LRP1B: variants seen among roughly 807,000 people sequenced by gnomAD.
LRP1B encodes the protein LDL receptor related protein 1B, also known as low-density lipoprotein receptor-related protein 1B.
LRP1B carries 217 observed loss-of-function variants against 556.6 expected under a neutral mutation model. The ratio of observed to expected loss-of-function variants is 0.39; its 90% confidence interval spans 0.35 to 0.44. The LOEUF (loss-of-function observed/expected upper bound fraction) is 0.44. Among genes scored for constraint, LRP1B ranks in the 20% least tolerant of loss-of-function variants. The pLI, the probability that LRP1B is intolerant of heterozygous loss-of-function variation, is 1.00. For synonymous variants in LRP1B, 2,047 were observed against 1,865.8 expected (o/e 1.10, Z -2.50); for missense variants, 5,053 against 5,620.8 (o/e 0.90, Z 3.23).
chr2:140,964,699 C>T (rs1202870531), intron 18 of LRP1B, among the ~76,000 whole-genome samples: 1 of 151,706 alleles, frequency 6.6e-6, no homozygotes, highest in Non-Finnish European at 1.5e-5. Context: ...GTAATTGCTA[C>T]CAACTAATGA....
At chr2:140,569,106 A>C (rs1386316649) in intron 43 of LRP1B, among the ~76,000 whole-genome samples, 1 of 152,034 alleles carries the variant, frequency 6.6e-6, no homozygotes, top group Non-Finnish European at 1.5e-5. Context: ...AAACCTTATC[A>C]CAACAACATC....
intron 6 of LRP1B, among the ~76,000 whole-genome samples, chr2:141,222,138 ATAGCTAACTAGACTAATAAGGAAG>A (rs1683072747): frequency 6.6e-6 from 1 of 151,784 alleles, no homozygotes; most frequent in Non-Finnish European, 1.5e-5. Flanking sequence ...AATAAAATAG[ATAGCTAACTAGACTAATAAGGAAG>A]AAAAGAGAAT....
chr2:141,641,811 A>G (rs1689347279), intron 2 of LRP1B, among the ~76,000 whole-genome samples: 1 of 152,132 alleles, frequency 6.6e-6, no homozygotes, highest in Non-Finnish European at 1.5e-5. Flanking sequence ...GATTAATAAC[A>G]TTGTTTAATG....
chr2:140,689,522 T>C (rs1292460036), intron 41 of LRP1B, among the ~76,000 whole-genome samples: 1 of 152,218 alleles, frequency 6.6e-6, no homozygotes, highest in Admixed American at 6.5e-5. Flanking sequence ...TTGGGTGAAG[T>C]TTTTCTTTTA....
intron 43 of LRP1B, among the ~76,000 whole-genome samples, chr2:140,585,027 G>T (rs1326944601): frequency 6.6e-6 from 1 of 151,772 alleles, no homozygotes; most frequent in Non-Finnish European, 1.5e-5. Context: ...ATTGCTTTTG[G>T]AGATACAAAG....
intron 6 of LRP1B, among the ~76,000 whole-genome samples, chr2:141,196,391 C>A (rs1181966519): frequency 6.6e-6 from 1 of 152,034 alleles, no homozygotes; most frequent in Non-Finnish European, 1.5e-5. Context: ...GAAATTCATT[C>A]TTTACACCCC....
At chr2:141,492,975 T>C (rs1025861259) in intron 2 of LRP1B, among the ~76,000 whole-genome samples, 1 of 152,182 alleles carries the variant, frequency 6.6e-6, no homozygotes, top group Non-Finnish European at 1.5e-5. Context: ...CTTTATTGCA[T>C]TCTGTAAAAG....
At position 141,400,071 on chromosome 2, in the gene LRP1B, A is replaced by T. The variant is rs567009121; in HGVS notation, c.343+80325T>A. Among the ~76,000 whole-genome samples the T allele has an allele frequency of 9.2e-5, 14 of 152,060 alleles. No homozygotes were observed. In the South Asian group the frequency reaches 2.7e-3, roughly 29 times the overall value. On this transcript the variant is annotated intron_variant, in intron 3 of 90. Coordinates refer to ENST00000389484, the MANE Select transcript of LRP1B (RefSeq NM_018557.3). ...GGTGATCACGTCTCCCGGCAGCTTC[A>T]ATCTCCCAGAGTCAAATGATTCTCC...
intron 57 of LRP1B, 94 bp downstream of exon 57, chr2:140,492,514 C>A: frequency 1.3e-6 from 1 of 755,602 alleles, no homozygotes; most frequent in Non-Finnish European, 2.2e-6. Flanking sequence ...TAAAAATATG[C>A]TTCACAAACT....
Position 141,032,826 on chromosome 2 carries a change from C to CATATATATATAT in LRP1B, c.1790-12736_1790-12725dup, listed in dbSNP as rs71391641. 6.4e-4 allele frequency among the ~76,000 whole-genome samples: 81 copies of CATATATATATAT among 126,652 alleles called. 2 individuals are homozygous for CATATATATATAT. The East Asian group carries it at 7.8e-3, about 12-fold the overall frequency. 83.1% of individuals were successfully genotyped at this position (126,652 alleles called of 152,430 possible). On this transcript the variant is annotated intron_variant, in intron 11 of 90. Transcript: ENST00000389484. ...ATGTGTGTGTGTATATATATACATACATATATATATATATGCAGGCATATG... is the reference window on the plus strand; with the variant it reads ...ATGTGTGTGTGTATATATATACATACATATATATATATATATATATATATATGCAGGCATATG...
intron 43 of LRP1B, among the ~76,000 whole-genome samples, chr2:140,574,098 A>G (rs188196292): frequency 6.6e-6 from 1 of 152,058 alleles, no homozygotes; most frequent in African/African-American, 2.4e-5. Context: ...TCAAACTCTG[A>G]CAGTTTGCAT....
At chr2:140,383,108 G>A (rs936415917) in intron 67 of LRP1B, among the ~76,000 whole-genome samples, 2 of 152,104 alleles carry the variant, frequency 1.3e-5, no homozygotes, top group Non-Finnish European at 2.9e-5. Flanking sequence ...TTCTCAAAAT[G>A]TATCCCCACT....
intron 35 of LRP1B, among the ~76,000 whole-genome samples, chr2:140,748,314 C>CACACATA (rs1255609856): frequency 8.1e-6 from 1 of 123,814 alleles, no homozygotes; most frequent in East Asian, 2.7e-4. Context: ...ATATTATATT[C>CACACATA]ATATATAATA....
chr2:142,095,553 T>C (rs2104958263), intron 1 of LRP1B, among the ~76,000 whole-genome samples: 1 of 151,886 alleles, frequency 6.6e-6, no homozygotes, highest in Middle Eastern at 3.4e-3. Flanking sequence ...ATTTAACCAA[T>C]GACTTAAATA....
intron 1 of LRP1B, among the ~76,000 whole-genome samples, chr2:142,000,451 G>A (rs1330374764): frequency 6.6e-6 from 1 of 152,142 alleles, no homozygotes; most frequent in East Asian, 1.9e-4. Flanking sequence ...GGTGATTACT[G>A]TTAACATTTA....
At chr2:140,953,241 C>T (rs1320517616) in intron 18 of LRP1B, among the ~76,000 whole-genome samples, 2 of 152,114 alleles carry the variant, frequency 1.3e-5, no homozygotes, top group African/African-American at 4.8e-5. Flanking sequence ...TAGGTGCGCA[C>T]CACCATGCAG....
chr2:140,510,847 G>A (rs930178819), intron 51 of LRP1B, among the ~76,000 whole-genome samples: 2 of 151,906 alleles, frequency 1.3e-5, no homozygotes, highest in Non-Finnish European at 2.9e-5. Context: ...TTTCCTTCCC[G>A]TTATGATCAT....
At chr2:141,391,954 T>A (rs1015130088) in intron 3 of LRP1B, among the ~76,000 whole-genome samples, 5 of 152,112 alleles carry the variant, frequency 3.3e-5, no homozygotes, top group African/African-American at 1.2e-4. Flanking sequence ...TAAGTAAAAA[T>A]ACCCTCTCAG....
At chr2:141,427,825 C>T (rs1365806917) in intron 3 of LRP1B, among the ~76,000 whole-genome samples, 2 of 152,106 alleles carry the variant, frequency 1.3e-5, no homozygotes, top group African/African-American at 4.8e-5. Context: ...TTAATACTGT[C>T]CCCTCAATAT....
Sources: gnomAD v4.1 joint callset for allele counts (sites outside exome capture counted in the v4.1 genomes callset) on GRCh38, gnomAD v4.1.1 for gene constraint, MANE v1.5 for transcripts, NCBI Gene and HGNC (gene_info 2026-07-23, HGNC 2026-07-21) for gene names.